The following EPHA3 variants were observed in gnomAD, a reference collection of about 807,000 sequenced individuals.
EPHA3 encodes the protein ephrin type-A receptor 3.
A neutral mutation model predicts 107.1 loss-of-function variants in EPHA3; 42 were observed. That is an observed-to-expected ratio of 0.39 (90% confidence interval 0.31 to 0.51). The LOEUF is 0.51. EPHA3 is among the 20% of genes least tolerant of loss of function. The probability of loss-of-function intolerance (pLI) is 0.78; values close to 1 mark genes in which losing one functional copy is unlikely to be tolerated. For missense variants in EPHA3, 1,183 were observed against 1,211.2 expected (o/e 0.98, Z 0.35); for synonymous variants, 461 against 424.8 (o/e 1.09, Z -1.05).
At chr3:89,372,492 T>C (rs1468656833) in intron 5 of EPHA3, among the ~76,000 whole-genome samples, 1 of 151,752 alleles carries the variant, frequency 6.6e-6, no homozygotes, top group Non-Finnish European at 1.5e-5. Context: ...AATTTGCAAT[T>C]GGCATATGTG....
At chr3:89,271,339 A>T (rs1705664927) in intron 3 of EPHA3, among the ~76,000 whole-genome samples, 1 of 152,042 alleles carries the variant, frequency 6.6e-6, no homozygotes, top group African/African-American at 2.4e-5. Flanking sequence ...AAAGTATTAT[A>T]ATTCCCTTGC....
chr3:89,275,135 T>C (rs369073264), intron 3 of EPHA3, among the ~76,000 whole-genome samples: 1 of 151,972 alleles, frequency 6.6e-6, no homozygotes. Flanking sequence ...CCAAAGTCCA[T>C]AATTTTTCCG....
At chr3:89,233,517 A>C (rs564175280) in intron 3 of EPHA3, among the ~76,000 whole-genome samples, 2 of 152,058 alleles carry the variant, frequency 1.3e-5, no homozygotes, top group Admixed American at 1.3e-4. Context: ...TTTTGCTTCT[A>C]CCTCCCCTGC....
At chr3:89,176,497 T>TAAAAAAAAAAAAAAAAAAAAA (rs55877149) in intron 2 of EPHA3, among the ~76,000 whole-genome samples, 1 of 100,572 alleles carries the variant, frequency 9.9e-6, no homozygotes. Context: ...ATTCCATCTC[T>TAAAAAAAAAAAAAAAAAAAAA]AAAAAAAAAA....
At chr3:89,309,165 G>A (rs140432285) in intron 3 of EPHA3, among the ~76,000 whole-genome samples, 39 of 152,244 alleles carry the variant, frequency 2.6e-4, no homozygotes, top group African/African-American at 9.1e-4. Context: ...ATTTTTGACA[G>A]TATCCAAATG....
chr3:89,419,424 T>A (rs747723616), intron 11 of EPHA3, 34 bp downstream of exon 11: 4 of 1,517,008 alleles, frequency 2.6e-6, no homozygotes, highest in Non-Finnish European at 3.5e-6. Context: ...TGTGTTTCCG[T>A]ATGTTGAGCA....
chr3:89,302,470 C>G (rs1706514365), intron 3 of EPHA3, among the ~76,000 whole-genome samples: 1 of 152,068 alleles, frequency 6.6e-6, no homozygotes, highest in Non-Finnish European at 1.5e-5. Flanking sequence ...AGGAGTTTGA[C>G]TCTATCCTAA....
intron 3 of EPHA3, among the ~76,000 whole-genome samples, chr3:89,221,071 G>T (rs1284187603): frequency 1.3e-5 from 2 of 152,162 alleles, no homozygotes; most frequent in African/African-American, 2.4e-5. Context: ...ACTGGAATTT[G>T]AAAGTGGAAC....
chr3:89,428,991 C>A, intron 11 of EPHA3, 115 bp from the exon 12 acceptor site: 2 of 616,840 alleles, frequency 3.2e-6, no homozygotes, highest in Non-Finnish European at 4.9e-6. Flanking sequence ...AATTAGAAGA[C>A]AGGCAAAGTT....
At chr3:89,133,476 C>T (rs1229892886) in intron 2 of EPHA3, among the ~76,000 whole-genome samples, 1 of 152,164 alleles carries the variant, frequency 6.6e-6, no homozygotes, top group Non-Finnish European at 1.5e-5. Flanking sequence ...AAAATCTGTG[C>T]TTCGGGATTC....
At chr3:89,453,126 C>G (rs1469464999) in intron 15 of EPHA3, among the ~76,000 whole-genome samples, 1 of 152,076 alleles carries the variant, frequency 6.6e-6, no homozygotes, top group African/African-American at 2.4e-5. Context: ...AACAGGATAA[C>G]AAACCTGTCC....
Position 89,467,951 on chromosome 3 carries a change from C to A in EPHA3, c.2691-4513C>A, listed in dbSNP as rs538355206. On this transcript the variant is annotated intron_variant, in intron 15 of 16. Transcript: ENST00000336596. ...CTAATTTGTCTAGTAAAAGTGTGAG[C>A]TCACGGTGCACATCACCCAGCCTAT... Among the ~76,000 whole-genome samples, 62 of 152,278 alleles carry A rather than the reference C, an allele frequency of 4.1e-4. 1 individual carries two copies. The highest frequency in any genetic ancestry group is 1.4e-3 in the African/African-American group (60 of 41,558).
At chr3:89,363,683 T>C (rs1350610412) in intron 5 of EPHA3, among the ~76,000 whole-genome samples, 5 of 149,156 alleles carry the variant, frequency 3.4e-5, no homozygotes, top group Non-Finnish European at 7.5e-5. Flanking sequence ...TGTGTGTGCG[T>C]GTGTGTGTGT....
At chr3:89,290,921 A>T (rs2107328842) in intron 3 of EPHA3, among the ~76,000 whole-genome samples, 1 of 152,290 alleles carries the variant, frequency 6.6e-6, no homozygotes, top group South Asian at 2.1e-4. Context: ...TTTTAATGAC[A>T]GATTTATTTA....
intron 3 of EPHA3, among the ~76,000 whole-genome samples, chr3:89,278,818 A>T (rs1705871912): frequency 6.6e-6 from 1 of 152,222 alleles, no homozygotes; most frequent in Non-Finnish European, 1.5e-5. Flanking sequence ...GAAATGTGCT[A>T]AAATGAGTGC....
chr3:89,232,915 C>T (rs146967603), intron 3 of EPHA3, among the ~76,000 whole-genome samples: 308 of 152,238 alleles, frequency 2.0e-3, no homozygotes, highest in Admixed American at 4.3e-3. Flanking sequence ...TAGCTGTTAG[C>T]TCTCTTTTCT....
At chr3:89,246,519 C>T (rs1705037870) in intron 3 of EPHA3, among the ~76,000 whole-genome samples, 2 of 152,280 alleles carry the variant, frequency 1.3e-5, no homozygotes, top group East Asian at 3.9e-4. Flanking sequence ...TGGCCCCCTG[C>T]TGGCCTAACT....
intron 3 of EPHA3, among the ~76,000 whole-genome samples, chr3:89,263,302 G>A (rs903730288): frequency 2.0e-5 from 3 of 152,084 alleles, no homozygotes; most frequent in Non-Finnish European, 4.4e-5. Context: ...TCTGCGGATG[G>A]CTTAAGTGTT....
intron 5 of EPHA3, among the ~76,000 whole-genome samples, chr3:89,373,110 A>G (rs1398247594): frequency 6.6e-6 from 1 of 151,888 alleles, no homozygotes; most frequent in Non-Finnish European, 1.5e-5. Context: ...TTTTCACGCC[A>G]TAGAGTATTG....
Sources: gnomAD v4.1 joint callset for allele counts (sites outside exome capture counted in the v4.1 genomes callset) on GRCh38, gnomAD v4.1.1 for gene constraint, MANE v1.5 for transcripts, NCBI Gene and HGNC (gene_info 2026-07-23, HGNC 2026-07-21) for gene names.